The following PSD3 variants were observed in gnomAD, a reference collection of about 807,000 sequenced individuals.
PSD3 encodes the protein pleckstrin and Sec7 domain containing 3.
In PSD3, 49 loss-of-function variants were observed where a neutral mutation model predicts 105.5. The observed-to-expected ratio is 0.46, with a 90% CI of 0.37 to 0.59. PSD3 has a LOEUF of 0.59. Among genes scored for constraint, PSD3 ranks in the 20% least tolerant of loss-of-function variants. The pLI is 0.00. For missense variants in PSD3, 1,561 were observed against 1,263.8 expected (o/e 1.24, Z -3.57); for synonymous variants, 557 against 457.8 (o/e 1.22, Z -2.77).
chr8:18,761,446 T>A (rs528549587), intron 9 of PSD3, among the ~76,000 whole-genome samples: 24 of 152,342 alleles, frequency 1.6e-4, no homozygotes, highest in African/African-American at 3.1e-4. Flanking sequence ...CAGACAATAC[T>A]TACTATATGT....
intron 1 of PSD3, among the ~76,000 whole-genome samples, chr8:18,949,102 G>C (rs1471355960): frequency 1.3e-5 from 2 of 148,452 alleles, no homozygotes; most frequent in Non-Finnish European, 3.0e-5. Flanking sequence ...GGCCCCTGTA[G>C]TCCCAGCTAC....
At chr8:18,962,753 T>C (rs1374554751) in intron 1 of PSD3, among the ~76,000 whole-genome samples, 1 of 152,226 alleles carries the variant, frequency 6.6e-6, no homozygotes, top group Non-Finnish European at 1.5e-5. Context: ...CATGACTATA[T>C]ACTATGAGCC....
At chr8:18,973,618 A>G (rs991506) in intron 1 of PSD3, among the ~76,000 whole-genome samples, 150,048 of 152,266 alleles carry the variant, frequency 0.99, 73,965 homozygotes, top group Middle Eastern at 1. Flanking sequence ...TATGGGTTAG[A>G]ACTTGAACAT....
intron 9 of PSD3, among the ~76,000 whole-genome samples, chr8:18,670,832 C>T (rs1455858223): frequency 1.3e-5 from 2 of 152,062 alleles, no homozygotes; most frequent in Non-Finnish European, 2.9e-5. Context: ...ACAACCCCAC[C>T]GACAATGACT....
chr8:18,777,531 A>C (rs1478037207), intron 8 of PSD3, among the ~76,000 whole-genome samples: 1 of 152,216 alleles, frequency 6.6e-6, no homozygotes, highest in South Asian at 2.1e-4. Flanking sequence ...ATCTAAGTTT[A>C]AGAAAACATT....
At chr8:18,966,315 AT>A (rs1421449222) in intron 1 of PSD3, among the ~76,000 whole-genome samples, 2 of 152,146 alleles carry the variant, frequency 1.3e-5, no homozygotes, top group Non-Finnish European at 2.9e-5. Context: ...CAGGCCTGTA[AT>A]TCCAGCACTT....
At chr8:18,950,215 T>A (rs1465659201) in intron 1 of PSD3, among the ~76,000 whole-genome samples, 1 of 152,206 alleles carries the variant, frequency 6.6e-6, no homozygotes, top group Non-Finnish European at 1.5e-5. Context: ...AAACTATTCG[T>A]TGAAAGCCAA....
At chr8:18,722,135 T>C (rs773533081) in intron 9 of PSD3, among the ~76,000 whole-genome samples, 1 of 151,610 alleles carries the variant, frequency 6.6e-6, no homozygotes, top group South Asian at 2.1e-4. Context: ...AAAAGTCTAC[T>C]AGATCGGTGG....
In PSD3 at chr8:18,776,384, T is replaced by TATAA. The variant is rs1563253298; in HGVS notation, c.2083-10847_2083-10846insTTAT. 1.9e-3 allele frequency among the ~76,000 whole-genome samples: 238 copies of TATAA among 125,788 alleles called. 1 individual carries two copies. The highest frequency in any genetic ancestry group is 0.011 in the East Asian group (43 of 4,062). The allele number at this position is 125,788 out of a possible 152,430, so 82.5% of individuals were successfully genotyped here. A position where few individuals can be genotyped will look rare whatever the true frequency, so the allele number is the denominator to read the frequency against. ...TATCTAAATATATGTATATATATAA[T>TATAA]TTTTTTTTTTTGTTTTTGAGACGGA... is the stretch of plus-strand genomic sequence containing the variant. On this transcript the variant is annotated intron_variant, in intron 8 of 15. Coordinates refer to ENST00000327040, the MANE Select transcript of PSD3 (RefSeq NM_015310.4).
At chr8:18,863,723 T>A (rs903877542) in intron 4 of PSD3, among the ~76,000 whole-genome samples, 14 of 152,158 alleles carry the variant, frequency 9.2e-5, no homozygotes, top group African/African-American at 3.1e-4. Flanking sequence ...GTCACAAAGG[T>A]ATTTAATACT....
chr8:18,572,770 A>T, intron 13 of PSD3, 98 bp from the exon 14 acceptor site: 1 of 1,332,632 alleles, frequency 7.5e-7, no homozygotes, highest in South Asian at 1.4e-5. Flanking sequence ...GGCATGTGAA[A>T]ATCATTTACT....
chr8:19,020,607 G>T (rs2162424), intron 1 of PSD3, among the ~76,000 whole-genome samples: 147,543 of 152,010 alleles, frequency 0.97, 71,777 homozygotes, highest in Middle Eastern at 1. Context: ...AGAATCACCC[G>T]GTATTATGTA....
intron 8 of PSD3, among the ~76,000 whole-genome samples, chr8:18,785,359 A>G (rs1809040693): frequency 6.6e-6 from 1 of 152,184 alleles, no homozygotes; most frequent in Non-Finnish European, 1.5e-5. Context: ...TAGGTTATGA[A>G]GACACTTTCT....
chr8:18,674,831 T>G (rs1443341240), intron 9 of PSD3, among the ~76,000 whole-genome samples: 1 of 152,042 alleles, frequency 6.6e-6, no homozygotes, highest in Middle Eastern at 3.2e-3. Context: ...ACATTGTAAG[T>G]CCTCTGTCTC....
At chr8:18,877,124 A>G (rs7815292) in intron 2 of PSD3, among the ~76,000 whole-genome samples, 7,070 of 152,242 alleles carry the variant, frequency 0.046, 198 homozygotes, top group Admixed American at 0.086. Flanking sequence ...GTCATTTTTC[A>G]CTTAATTGAC....
At chr8:18,893,655 C>G in intron 2 of PSD3, among the ~76,000 whole-genome samples, 1 of 151,502 alleles carries the variant, frequency 6.6e-6, no homozygotes, top group African/African-American at 2.4e-5. Flanking sequence ...AGGCCCAGGC[C>G]CAGGAGCAGA....
At chr8:19,034,551 C>T (rs976168875) in intron 1 of PSD3, among the ~76,000 whole-genome samples, 1 of 152,180 alleles carries the variant, frequency 6.6e-6, no homozygotes, top group Non-Finnish European at 1.5e-5. Flanking sequence ...CCATAAAGAG[C>T]TGACAGTCAT....
At chr8:19,065,842 C>T (rs969276161) in intron 1 of PSD3, among the ~76,000 whole-genome samples, 11 of 152,158 alleles carry the variant, frequency 7.2e-5, no homozygotes, top group Non-Finnish European at 1.3e-4. Context: ...CCTCTCCCAT[C>T]CCCAGAGGCT....
chr8:18,924,938 G>GTTGCTTA (rs1440240941), intron 2 of PSD3: 5 of 152,092 alleles, frequency 3.3e-5, no homozygotes, highest in Non-Finnish European at 7.4e-5. Flanking sequence ...GACATGACAT[G>GTTGCTTA]GGAAGTACAA....
Sources: gnomAD v4.1 joint callset for allele counts (sites outside exome capture counted in the v4.1 genomes callset) on GRCh38, gnomAD v4.1.1 for gene constraint, MANE v1.5 for transcripts, NCBI Gene and HGNC (gene_info 2026-07-23, HGNC 2026-07-21) for gene names.